Variants in LIPI observed in about 807,000 individuals in gnomAD.
LIPI encodes lipase member I.
Under a neutral mutation model 50.6 loss-of-function variants are expected in LIPI, and 59 were observed. That is an observed-to-expected ratio of 1.16 (90% CI 0.94 to 1.45). LIPI has a LOEUF of 1.45. Among genes scored for constraint, LIPI ranks in the 40% most tolerant of loss-of-function variants. LIPI has a pLI of 0.00. For missense variants in LIPI, 586 were observed against 536.3 expected, an observed-to-expected ratio of 1.09 and a Z score of -0.92; for synonymous variants, 203 against 178.2, an observed-to-expected ratio of 1.14 and a Z score of -1.11.
At chr21:14,170,072 A>T (rs1203970745) in intron 4 of LIPI, among the ~76,000 whole-genome samples, 1 of 152,250 alleles carries the variant, frequency 6.6e-6, no homozygotes, top group Non-Finnish European at 1.5e-5. Context: ...ACCATCAGAG[A>T]ATACTACAAA....
chr21:14,134,120 A>G (rs1367545315), intron 9 of LIPI, among the ~76,000 whole-genome samples: 1 of 152,114 alleles, frequency 6.6e-6, no homozygotes, highest in Non-Finnish European at 1.5e-5. Context: ...GGTCCCAGCT[A>G]CTTGGGAGGC....
chr21:14,186,796 A>G (rs889023722), intron 2 of LIPI, among the ~76,000 whole-genome samples: 1 of 152,192 alleles, frequency 6.6e-6, no homozygotes, highest in African/African-American at 2.4e-5. Context: ...CTCTTCCACC[A>G]TGTGAGGACA....
chr21:14,161,622 A>AATATATTAAAATATAATATATACATTATT (rs1568858294), intron 7 of LIPI, among the ~76,000 whole-genome samples: 11 of 95,562 alleles, frequency 1.2e-4, no homozygotes, highest in Non-Finnish European at 1.5e-4. Context: ...ATACATATAT[A>AATATATTAAAATATAATATATACATTATT]ATATATTAAT....
intron 9 of LIPI, chr21:14,144,364 C>T (rs1482202480): frequency 3.5e-6 from 1 of 287,072 alleles, no homozygotes; most frequent in Non-Finnish European, 6.6e-6. Context: ...ATTGGTGTTA[C>T]TTTTTTTTAT....
chr21:14,149,096 CAA>C (rs2018000771), intron 8 of LIPI, among the ~76,000 whole-genome samples: 1 of 152,054 alleles, frequency 6.6e-6, no homozygotes, highest in Non-Finnish European at 1.5e-5. Context: ...GAGAAATACC[CAA>C]GACTTGGTAA....
rs139955022 is a variant in LIPI at position 14,196,172 on chromosome 21, A to AAAAAT, written c.47-6754_47-6753insATTTT. Among the ~76,000 whole-genome samples the AAAAAT allele has an allele frequency of 1.2e-3, 164 of 138,072 alleles. 1 individual carries two copies. The highest frequency in any genetic ancestry group is 1.6e-3 in the Non-Finnish European group (101 of 64,306). 90.6% of individuals were successfully genotyped at this position (138,072 alleles called of 152,430 possible). Reference sequence around the variant, plus strand: ...CCAAATTGTAAAAAAAAAAAACAAAACAAGAAGTATATGGGTAAATAAACT... The same window carrying AAAAAT: ...CCAAATTGTAAAAAAAAAAAACAAAAAAAATCAAGAAGTATATGGGTAAATAAACT... On this transcript the variant is annotated intron_variant, in intron 1 of 9. Transcript: ENST00000681601.
At chr21:14,110,616 A>T (rs1170321522) in intron 9 of LIPI, among the ~76,000 whole-genome samples, 1 of 151,740 alleles carries the variant, frequency 6.6e-6, no homozygotes, top group African/African-American at 2.4e-5. Flanking sequence ...TTTGACCAAC[A>T]TCTCCTTAAC....
intron 9 of LIPI, among the ~76,000 whole-genome samples, chr21:14,121,273 G>A (rs559078376): frequency 6.6e-6 from 1 of 152,286 alleles, no homozygotes; most frequent in African/African-American, 2.4e-5. Context: ...CAACCACAAA[G>A]TTCTGGAAAG....
intron 9 of LIPI, among the ~76,000 whole-genome samples, chr21:14,113,410 C>T (rs1372352634): frequency 6.6e-6 from 1 of 152,138 alleles, no homozygotes; most frequent in African/African-American, 2.4e-5. Context: ...ATGAATAATA[C>T]ACTTATGAGA....
intron 1 of LIPI, among the ~76,000 whole-genome samples, chr21:14,201,794 C>G (rs1163221140): frequency 6.6e-6 from 1 of 152,160 alleles, no homozygotes; most frequent in Non-Finnish European, 1.5e-5. Context: ...GATGCCCTCT[C>G]TCACCAATCC....
At chr21:14,119,473 C>G (rs1204258180) in intron 9 of LIPI, among the ~76,000 whole-genome samples, 1 of 152,188 alleles carries the variant, frequency 6.6e-6, no homozygotes, top group East Asian at 1.9e-4. Flanking sequence ...TAGCATTCCT[C>G]AGCCAGACAC....
chr21:14,189,988 TAAC>T (rs1417566928), intron 1 of LIPI, among the ~76,000 whole-genome samples: 3 of 152,106 alleles, frequency 2.0e-5, no homozygotes, highest in Admixed American at 1.3e-4. Context: ...CACATAAACT[TAAC>T]AAATCTTTTT....
chr21:14,138,063 C>G (rs2017569927), intron 9 of LIPI, among the ~76,000 whole-genome samples: 1 of 152,044 alleles, frequency 6.6e-6, no homozygotes, highest in African/African-American at 2.4e-5. Flanking sequence ...AAAACAAAAG[C>G]TGAGGGATTT....
chr21:14,140,971 A>G (rs2017684792), intron 9 of LIPI, among the ~76,000 whole-genome samples: 1 of 152,188 alleles, frequency 6.6e-6, no homozygotes, highest in Admixed American at 6.5e-5. Context: ...AAGAATGGCT[A>G]TTGCTATAAC....
intron 3 of LIPI, among the ~76,000 whole-genome samples, chr21:14,183,017 G>A (rs924824814): frequency 2.0e-5 from 3 of 152,068 alleles, no homozygotes; most frequent in African/African-American, 4.8e-5. Context: ...GCATCGCCAA[G>A]TCAATCCTAA....
At chr21:14,173,340 G>A (rs1055401840) in intron 4 of LIPI, among the ~76,000 whole-genome samples, 5 of 152,176 alleles carry the variant, frequency 3.3e-5, no homozygotes, top group African/African-American at 1.2e-4. Flanking sequence ...CAACTAAGTT[G>A]CCTTGGCTGG....
At chr21:14,125,404 A>G (rs940487139) in intron 9 of LIPI, among the ~76,000 whole-genome samples, 1 of 152,210 alleles carries the variant, frequency 6.6e-6, no homozygotes, top group Admixed American at 6.5e-5. Flanking sequence ...TAATAAAAGA[A>G]TAATAATTAG....
At chr21:14,164,862 A>C (rs1385851201) in intron 6 of LIPI, among the ~76,000 whole-genome samples, 5 of 152,144 alleles carry the variant, frequency 3.3e-5, no homozygotes, top group African/African-American at 9.7e-5. Context: ...TCAAAAAAAC[A>C]AAAAAACCTC....
chr21:14,109,801 A>C (rs1223434391), intron 9 of LIPI, among the ~76,000 whole-genome samples: 1 of 151,956 alleles, frequency 6.6e-6, no homozygotes, highest in East Asian at 1.9e-4. Context: ...CACAATGCCT[A>C]TCAATGTTAA....
Sources: allele counts gnomAD v4.1 joint callset (sites outside exome capture counted in the v4.1 genomes callset), GRCh38; gene constraint gnomAD v4.1.1; transcripts MANE v1.5; gene names NCBI Gene and HGNC (gene_info 2026-07-23, HGNC 2026-07-21).